STK32C: variants seen among roughly 807,000 people sequenced by gnomAD.
The protein encoded by STK32C is serine/threonine-protein kinase 32C.
STK32C carries 31 observed loss-of-function variants against 56.5 expected under a neutral mutation model. The observed-to-expected ratio is 0.55, with a 90% CI of 0.41 to 0.74. The LOEUF is 0.74. Among genes scored for constraint, STK32C ranks in the 30% least tolerant of loss-of-function variants. The pLI is 0.00. For synonymous variants in STK32C, 309 were observed against 289.4 expected, an observed-to-expected ratio of 1.07 and a Z score of -0.69; for missense variants, 544 against 676.9, an observed-to-expected ratio of 0.80 and a Z score of 2.18.
chr10:132,257,470 A>T (rs1335780100), intron 1 of STK32C, among the ~76,000 whole-genome samples: 1 of 151,936 alleles, frequency 6.6e-6, no homozygotes, highest in Non-Finnish European at 1.5e-5. Context: ...GCAGAGCTGG[A>T]GGAGGAGTGA....
At chr10:132,209,466 A>G in intron 10 of STK32C, 1 of 429,942 alleles carries the variant, frequency 2.3e-6, no homozygotes, top group East Asian at 5.7e-5. Context: ...GCCCCTCATC[A>G]CAGCACACAC....
At chr10:132,330,332 G>A in intron 1 of STK32C, 1 of 664,842 alleles carries the variant, frequency 1.5e-6, no homozygotes, top group Middle Eastern at 2.4e-4. Context: ...ATACTGGAAT[G>A]CTGAAACTTG....
intron 4 of STK32C, 25 bp from the exon 5 acceptor site, chr10:132,225,809 G>A (rs540990409): frequency 1.4e-5 from 23 of 1,613,490 alleles, no homozygotes; most frequent in Non-Finnish European, 1.9e-5. Context: ...AAGTGGGAAG[G>A]TGAGTTGGGA....
chr10:132,313,410 C>A (rs1278441581), intron 1 of STK32C, among the ~76,000 whole-genome samples: 1 of 152,234 alleles, frequency 6.6e-6, no homozygotes, highest in African/African-American at 2.4e-5. Context: ...AGACATTTGC[C>A]AAGCACCTGC....
chr10:132,249,166 C>T lies in STK32C; in HGVS notation c.263-3211G>A, dbSNP rs1178335767. 17 of 81,482 alleles carry T rather than the reference C, an allele frequency of 2.1e-4. No homozygotes were observed. The African/African-American group carries it at 2.1e-3, about 10-fold the overall frequency. The allele number at this position is 81,482 out of a possible 1,614,324, so 5.0% of individuals were successfully genotyped here. A position where few individuals can be genotyped will look rare whatever the true frequency, so the allele number is the denominator to read the frequency against. On this transcript the variant is annotated intron_variant, in intron 1 of 11. Coordinates refer to ENST00000298630, the MANE Select transcript of STK32C (RefSeq NM_173575.4). ...TGCAGGGGGCGGGGCGTGCAGGGGG[C>T]GGGGCTATGGGGGTCAGGGCGTGTC...
At position 132,293,608 on chromosome 10, in the gene STK32C, G is replaced by A. The variant is rs373632757; in HGVS notation, c.262+13964C>T. ...GCCGGCCAGGCACACGGAGGGTGCC[G>A]TGGGCAGAGCTCTTTTAAGAAGCAG... On this transcript the variant is annotated intron_variant, in intron 1 of 11. Coordinates refer to ENST00000298630, the MANE Select transcript of STK32C (RefSeq NM_173575.4). 1.8e-4 allele frequency among the ~76,000 whole-genome samples: 27 copies of A among 152,342 alleles called. 1 individual carries two copies. Among genetic ancestry groups the A allele is most frequent in the South Asian group, 6.2e-4 (3 of 4,826 alleles).
intron 1 of STK32C, among the ~76,000 whole-genome samples, chr10:132,328,830 C>T (rs528635704): frequency 4.6e-5 from 7 of 152,368 alleles, no homozygotes; most frequent in South Asian, 4.1e-4. Flanking sequence ...GGACAGCCTT[C>T]GGCCCAGCCT....
intron 1 of STK32C, among the ~76,000 whole-genome samples, chr10:132,270,089 G>A (rs550829517): frequency 1.3e-5 from 2 of 152,358 alleles, no homozygotes; most frequent in South Asian, 4.1e-4. Context: ...GGGACTGAGG[G>A]CAGCAGGGGA....
intron 1 of STK32C, among the ~76,000 whole-genome samples, chr10:132,297,789 G>A (rs971525887): frequency 1.3e-5 from 2 of 152,158 alleles, no homozygotes; most frequent in African/African-American, 4.8e-5. Context: ...TCAGGGGCCC[G>A]CCCCGCGGCC....
intron 1 of STK32C, among the ~76,000 whole-genome samples, chr10:132,275,833 C>A (rs1174754456): frequency 1.3e-5 from 2 of 152,208 alleles, no homozygotes; most frequent in Non-Finnish European, 2.9e-5. Context: ...GTTCTTCCTG[C>A]CCCTCTTTTC....
At chr10:132,257,902 G>T (rs561382257) in intron 1 of STK32C, among the ~76,000 whole-genome samples, 1 of 152,126 alleles carries the variant, frequency 6.6e-6, no homozygotes, top group Non-Finnish European at 1.5e-5. Context: ...AAAGGAGGCC[G>T]CGGCCCAGCA....
At chr10:132,253,467 G>GTCGAGGGAA (rs2063983259) in intron 1 of STK32C, among the ~76,000 whole-genome samples, 1 of 146,894 alleles carries the variant, frequency 6.8e-6, no homozygotes, top group African/African-American at 2.6e-5. Context: ...ACTGGAGGGA[G>GTCGAGGGAA]CTGGAGGGAG....
In STK32C at chr10:132,221,916, T is replaced by G. The variant is rs535733705; in HGVS notation, c.1251+725A>C. Among the ~76,000 whole-genome samples the G allele has an allele frequency of 2.8e-5, 4 of 145,152 alleles. No homozygotes were observed. The East Asian group carries it at 8.1e-4, about 30-fold the overall frequency. On this transcript the variant is annotated intron_variant, in intron 10 of 11. Coordinates refer to ENST00000298630, the MANE Select transcript of STK32C (RefSeq NM_173575.4). The stretch of plus-strand genomic sequence containing the variant: ...ACGCACCTGGGCAAGTGTGAGGGCT[T>G]CACGTGGCCATCCCCACACACACAA...
At chr10:132,239,180 T>C (rs1288315450) in intron 2 of STK32C, among the ~76,000 whole-genome samples, 1 of 152,160 alleles carries the variant, frequency 6.6e-6, no homozygotes, top group African/African-American at 2.4e-5. Context: ...ATTTTATAGA[T>C]GGTGTGAGGG....
At position 132,225,610 on chromosome 10, in the gene STK32C, G is replaced by A. The variant is rs1282996520; in HGVS notation, c.689C>T (p.Ala230Val). Residue 230 changes from alanine to valine, a missense_variant, in exon 6 of 12, where the codon GCA becomes GTA. Transcript: ENST00000298630. ...GGCAATGTTGAAGTCGGTCAGGTGT[G>A]CATGTCCTGTGCAGAGAGGGGTCAG... ...DNILLDERGHAHLTDFNIATI... is the reference protein window; with the variant it reads ...DNILLDERGHVHLTDFNIATI... The A allele has an allele frequency of 1.2e-6, 2 of 1,612,794 alleles. No individual in the cohort carries two copies. Among genetic ancestry groups the A allele is most frequent in the Non-Finnish European group, 1.7e-6 (2 of 1,179,292 alleles).
At chr10:132,256,541 GGCCTGAGACCGCAGT>G (rs1407507313) in intron 1 of STK32C, among the ~76,000 whole-genome samples, 1 of 152,200 alleles carries the variant, frequency 6.6e-6, no homozygotes, top group Non-Finnish European at 1.5e-5. Context: ...CAGAGGCTCA[GGCCTGAGACCGCAGT>G]GCCTGAGACC....
chr10:132,307,137 G>C lies in STK32C; in HGVS notation c.262+435C>G, dbSNP rs974128632. The C allele has an allele frequency of 2.6e-5, 4 of 153,442 alleles. No homozygotes were observed. Among genetic ancestry groups the C allele is most frequent in the Non-Finnish European group, 5.8e-5 (4 of 68,918 alleles). 9.5% of individuals were successfully genotyped at this position (153,442 alleles called of 1,614,324 possible). ...AAGGAGACTGAGCCTCTGAGCGGCC[G>C]GGCCCCGCCACCTGTGGGGCAGGAG... On this transcript the variant is annotated intron_variant, in intron 1 of 11. Coordinates refer to ENST00000298630, the MANE Select transcript of STK32C (RefSeq NM_173575.4). The surrounding 1 kb of genome is among the most constrained non-coding windows in gnomAD (Gnocchi z 4.4).
intron 1 of STK32C, among the ~76,000 whole-genome samples, chr10:132,327,075 C>T (rs993230392): frequency 2.6e-5 from 4 of 152,198 alleles, no homozygotes; most frequent in Non-Finnish European, 2.9e-5. Flanking sequence ...GAGGCTGATA[C>T]GGTTTGGCTG....
chr10:132,308,356 G>T (rs937500684), upstream of STK32C, among the ~76,000 whole-genome samples: 8 of 152,160 alleles, frequency 5.3e-5, no homozygotes, highest in African/African-American at 1.9e-4. Flanking sequence ...ACCTTCTCGC[G>T]GTCTCCGGGG....
Sources: gnomAD v4.1 joint callset for allele counts (sites outside exome capture counted in the v4.1 genomes callset) on GRCh38, gnomAD v4.1.1 for gene constraint, Gnocchi (gnomAD v3.1) non-coding constraint, MANE v1.5 for transcripts, NCBI Gene and HGNC (gene_info 2026-07-23, HGNC 2026-07-21) for gene names.